The following ZSWIM5 variants were observed in gnomAD, a reference collection of about 807,000 sequenced individuals.
The protein encoded by ZSWIM5 is zinc finger SWIM domain-containing protein 5.
Under a neutral mutation model 119.6 loss-of-function variants are expected in ZSWIM5, and 55 were observed. The ratio of observed to expected loss-of-function variants is 0.46; its 90% CI spans 0.37 to 0.58. The LOEUF is 0.58. ZSWIM5 is among the 20% of genes least tolerant of loss of function. The pLI is 0.00. For synonymous variants in ZSWIM5, 537 were observed against 606.9 expected (o/e 0.88, Z 1.69); for missense variants, 1,193 against 1,512.8 (o/e 0.79, Z 3.51).
At chr1:45,086,277 GC>G (rs1303419140) in intron 2 of ZSWIM5, among the ~76,000 whole-genome samples, 1 of 152,062 alleles carries the variant, frequency 6.6e-6, no homozygotes, top group African/African-American at 2.4e-5. Context: ...CTCCCACAAG[GC>G]CCCTCCTCCA....
intron 2 of ZSWIM5, among the ~76,000 whole-genome samples, chr1:45,084,824 GGCT>G (rs1383492818): frequency 6.6e-6 from 1 of 152,204 alleles, no homozygotes; most frequent in Non-Finnish European, 1.5e-5. Context: ...TGCTTTCAAG[GGCT>G]GGTGTTGAGT....
In ZSWIM5 at chr1:45,018,773, C is replaced by A; in HGVS notation, c.3239G>T (p.Arg1080Leu). ...CATVLSDILR[R>L]CTVTAPGLAG... ...CAGGCCAGGTGCAGTCACTGTGCAG[C>A]GTCGTAAGATGTCTGAAAGCACTGT... The change falls in exon 14 of 14, where the codon CGC becomes CTC. Residue 1080 changes from arginine to leucine, a missense_variant. Around this residue, in one of 2 missense-constraint regions of ZSWIM5, gnomAD observed 961 missense variants for 1,290.0 expected, o/e 0.74. Transcript: ENST00000359600. This position sits in a 1 kb window ranked among gnomAD's most constrained non-coding sequence, Gnocchi z 6.7. The A allele has an allele frequency of 6.2e-7, 1 of 1,614,208 alleles. No homozygotes were observed. The highest frequency in any genetic ancestry group is 8.5e-7 in the Non-Finnish European group (1 of 1,180,038).
At chr1:45,089,395 G>C (rs1645350743) in intron 1 of ZSWIM5, among the ~76,000 whole-genome samples, 1 of 152,142 alleles carries the variant, frequency 6.6e-6, no homozygotes. Flanking sequence ...GCTAGGCCTA[G>C]GGATGCTAAC....
intron 1 of ZSWIM5, among the ~76,000 whole-genome samples, chr1:45,092,546 C>T (rs563703149): frequency 3.0e-5 from 3 of 98,390 alleles, no homozygotes; most frequent in African/African-American, 7.3e-5. Flanking sequence ...CCACCCCCCC[C>T]CCCCCGCCAG....
intron 2 of ZSWIM5, among the ~76,000 whole-genome samples, chr1:45,063,767 C>T (rs956092956): frequency 5.3e-5 from 8 of 152,020 alleles, no homozygotes; most frequent in Non-Finnish European, 7.4e-5. Context: ...CTGAGGCGGG[C>T]GGATCATGAG....
intron 1 of ZSWIM5, among the ~76,000 whole-genome samples, chr1:45,115,981 G>A (rs115505765): frequency 0.021 from 3,141 of 152,268 alleles, 115 homozygotes; most frequent in African/African-American, 0.072. Flanking sequence ...GGTGGCGCGC[G>A]CCCGCAATCC....
In ZSWIM5 at chr1:45,105,780, G is replaced by A. The variant is rs545403001; in HGVS notation, c.596-17543C>T. On this transcript the variant is annotated intron_variant, in intron 1 of 13. Transcript: ENST00000359600. ...CATCTAGGAAGTGAGGAGTGTCTCTGCCTGGCTGCCCATTGTCTGGGATGT... is the reference window on the plus strand; with the variant it reads ...CATCTAGGAAGTGAGGAGTGTCTCTACCTGGCTGCCCATTGTCTGGGATGT... 1.3e-4 allele frequency among the ~76,000 whole-genome samples: 18 copies of A among 142,572 alleles called. No homozygotes were observed. The South Asian group carries it at 1.8e-3, about 14-fold the overall frequency. 93.5% of individuals were successfully genotyped at this position (142,572 alleles called of 152,430 possible).
intron 1 of ZSWIM5, among the ~76,000 whole-genome samples, chr1:45,156,497 T>C (rs1359927066): frequency 6.6e-6 from 1 of 151,794 alleles, no homozygotes; most frequent in African/African-American, 2.4e-5. Flanking sequence ...AAGTCAAAGA[T>C]AATTCTCAGT....
chr1:45,196,459 C>G (rs368261986), intron 1 of ZSWIM5, among the ~76,000 whole-genome samples: 1 of 124,870 alleles, frequency 8.0e-6, no homozygotes, highest in East Asian at 2.6e-4. Context: ...GGCACGATAT[C>G]GGCTCACTGC....
At position 45,130,110 on chromosome 1, in the gene ZSWIM5, C is replaced by T. The variant is rs565996831; in HGVS notation, c.596-41873G>A. Among the ~76,000 whole-genome samples the T allele has an allele frequency of 7.2e-5, 11 of 152,266 alleles. No individual in the cohort carries two copies. The East Asian group carries it at 2.1e-3, about 29-fold the overall frequency. ...ACAGGGTTTCGCCATGTTGGCCAGGCTGGTCTCGAACTCCTGACCTCAAGT... is the reference window on the plus strand; with the variant it reads ...ACAGGGTTTCGCCATGTTGGCCAGGTTGGTCTCGAACTCCTGACCTCAAGT... On this transcript the variant is annotated intron_variant, in intron 1 of 13. Transcript: ENST00000359600.
rs541538195 is a variant in ZSWIM5, at chr1:45,089,774, A to G, written c.596-1537T>C. ...ATTACTTGAGGCCAGGAGTTGGGAG[A>G]CCAGCCTGGGCAACACAGTGAGACC... On this transcript the variant is annotated intron_variant, in intron 1 of 13. Coordinates refer to ENST00000359600, the MANE Select transcript of ZSWIM5 (RefSeq NM_020883.2). Among the ~76,000 whole-genome samples, 5 of 152,270 alleles carry G rather than the reference A, an allele frequency of 3.3e-5. No homozygotes were observed. In the South Asian group the frequency reaches 1.0e-3, roughly 32 times the overall value.
At chr1:45,193,955 T>TAC (rs917577153) in intron 1 of ZSWIM5, among the ~76,000 whole-genome samples, 23 of 151,778 alleles carry the variant, frequency 1.5e-4, no homozygotes, top group South Asian at 4.2e-4. Flanking sequence ...TATATATATA[T>TAC]ACATACATGC....
intron 1 of ZSWIM5, among the ~76,000 whole-genome samples, chr1:45,175,934 T>C (rs1645978037): frequency 6.6e-6 from 1 of 151,830 alleles, no homozygotes; most frequent in Non-Finnish European, 1.5e-5. Flanking sequence ...TTTAAGAACC[T>C]CCCTGCTTTC....
rs151057084 is a variant in ZSWIM5 at position 45,034,885 on chromosome 1, G to A, written c.2292-416C>T. Among the ~76,000 whole-genome samples, 862 of 152,208 alleles carry A rather than the reference G, an allele frequency of 5.7e-3. 6 individuals carry two copies. Among genetic ancestry groups the A allele is most frequent in the South Asian group, 0.043 (208 of 4,818 alleles). On this transcript the variant is annotated intron_variant, in intron 10 of 13. Transcript: ENST00000359600. ...CAGCCCCGACCTCCCAGGCTCAAGCGATCCTCCCACCTCAGTCTCTTGAGT... is the reference window on the plus strand; with the variant it reads ...CAGCCCCGACCTCCCAGGCTCAAGCAATCCTCCCACCTCAGTCTCTTGAGT...
At chr1:45,170,145 G>A (rs929998810) in intron 1 of ZSWIM5, among the ~76,000 whole-genome samples, 10 of 152,056 alleles carry the variant, frequency 6.6e-5, no homozygotes, top group African/African-American at 2.4e-4. Context: ...CTGAAAGCTA[G>A]AATAATGTCA....
chr1:45,020,622 T>C lies in ZSWIM5; in HGVS notation c.2613+3A>G. 1 of 1,613,532 alleles carries C rather than the reference T, an allele frequency of 6.2e-7. No homozygotes were observed. On this transcript the variant is annotated splice_donor_region_variant and intron_variant, in intron 12 of 13. Coordinates refer to ENST00000359600, the MANE Select transcript of ZSWIM5 (RefSeq NM_020883.2). ...CTGTGGATGGCCTACTCTTCCTCCA[T>C]ACCTGTAACCCAAGTTCCAGGGCAA... is the stretch of plus-strand genomic sequence containing the variant.
At chr1:45,198,828 T>C (rs1470233405) in intron 1 of ZSWIM5, among the ~76,000 whole-genome samples, 1 of 152,258 alleles carries the variant, frequency 6.6e-6, no homozygotes, top group Non-Finnish European at 1.5e-5. Flanking sequence ...CTTGTATCAT[T>C]GCTTACAAAA....
chr1:45,082,982 G>T (rs545160782), intron 2 of ZSWIM5, among the ~76,000 whole-genome samples: 2 of 152,274 alleles, frequency 1.3e-5, no homozygotes, highest in African/African-American at 4.8e-5. Flanking sequence ...ACAAAAGCAG[G>T]CCATAGCCCA....
chr1:45,070,526 GA>G, intron 2 of ZSWIM5: 1 of 593,102 alleles, frequency 1.7e-6, no homozygotes, highest in Non-Finnish European at 2.8e-6. Flanking sequence ...TAATATTCAT[GA>G]TTTTTTTCTG....
Sources: gnomAD v4.1 joint callset for allele counts (sites outside exome capture counted in the v4.1 genomes callset) on GRCh38, gnomAD v4.1.1 for gene constraint, gnomAD v4.1.1 regional missense constraint, Gnocchi (gnomAD v3.1) non-coding constraint, MANE v1.5 for transcripts, NCBI Gene and HGNC (gene_info 2026-07-23, HGNC 2026-07-21) for gene names.